PSMB5: variants seen among roughly 807,000 people sequenced by gnomAD.
PSMB5 encodes proteasome 20S subunit beta 5, also known as proteasome subunit beta type-5.
A neutral mutation model predicts 22.8 loss-of-function variants in PSMB5; 2 were observed. That is an observed-to-expected ratio of 0.09 (90% CI 0.04 to 0.28). The LOEUF is 0.28. PSMB5 is among the 10% of genes least tolerant of loss of function. PSMB5 has a pLI of 1.00. For synonymous variants in PSMB5, 133 were observed against 135.3 expected, an observed-to-expected ratio of 0.98 and a Z score of 0.12; for missense variants, 269 against 343.8, an observed-to-expected ratio of 0.78 and a Z score of 1.72.
chr14:23,031,248 A>G (rs1189392461), intron 2 of PSMB5, among the ~76,000 whole-genome samples: 1 of 152,222 alleles, frequency 6.6e-6, no homozygotes, highest in Non-Finnish European at 1.5e-5. Flanking sequence ...TCCGCCAGCT[A>G]AAGGTTCAAA....
chr14:23,029,957 A>G (rs555922937), intron 2 of PSMB5, among the ~76,000 whole-genome samples: 94 of 151,774 alleles, frequency 6.2e-4, no homozygotes, highest in African/African-American at 2.2e-3. Flanking sequence ...AATTTTTTGT[A>G]TTTTTAGTAG....
At chr14:23,029,802 G>A (rs1594713081) in intron 2 of PSMB5, among the ~76,000 whole-genome samples, 1 of 150,178 alleles carries the variant, frequency 6.7e-6, no homozygotes, top group South Asian at 2.1e-4. Flanking sequence ...TTTTTTTTGA[G>A]ATGGAGTCTT....
At position 23,026,151 on chromosome 14, in the gene PSMB5, T is replaced by C; in HGVS notation, c.730A>G (p.Ile244Val). 1 of 1,614,128 alleles carries C rather than the reference T, an allele frequency of 6.2e-7. No individual in the cohort carries two copies. Among genetic ancestry groups the C allele is most frequent in the Non-Finnish European group, 8.5e-7 (1 of 1,180,026 alleles). The change falls in exon 3 of 3, where the codon ATC becomes GTC. Residue 244 changes from isoleucine (I) to valine (V), a missense_variant. Around this residue, in one of 3 missense-constraint regions of PSMB5, gnomAD observed 113 missense variants for 130.2 expected, o/e 0.87. Coordinates refer to ENST00000361611, the MANE Select transcript of PSMB5 (RefSeq NM_002797.5). The stretch of plus-strand genomic sequence containing the variant: ...GCCACATTGTCACTGGAGACTCGGA[T>C]CCAGCCATCCTCCCGCACGTGGTAG... ...NLYHVREDGW[I>V]RVSSDNVADL...
intron 2 of PSMB5, chr14:23,027,660 A>G: frequency 9.4e-7 from 1 of 1,062,456 alleles, no homozygotes. Context: ...GGAAAAAAAA[A>G]AAACCTGAAG....
chr14:23,031,133 G>A (rs1693122762), intron 2 of PSMB5, among the ~76,000 whole-genome samples: 1 of 152,154 alleles, frequency 6.6e-6, no homozygotes, highest in South Asian at 2.1e-4. Flanking sequence ...TCATCAGGAA[G>A]GCCTCTTGAA....
At chr14:23,027,772 C>A (rs1315593231) in intron 2 of PSMB5, 4 of 1,548,420 alleles carry the variant, frequency 2.6e-6, no homozygotes, top group Non-Finnish European at 1.7e-6. Context: ...CCTCTCAGCA[C>A]ACCCACAAAA....
At chr14:23,032,328 C>T (rs529049686) in intron 2 of PSMB5, among the ~76,000 whole-genome samples, 4 of 152,174 alleles carry the variant, frequency 2.6e-5, no homozygotes, top group African/African-American at 9.6e-5. Flanking sequence ...CTTGTAATCC[C>T]AGGTACTTGG....
intron 2 of PSMB5, among the ~76,000 whole-genome samples, chr14:23,031,490 T>C (rs2046952193): frequency 6.6e-6 from 1 of 152,250 alleles, no homozygotes; most frequent in Admixed American, 6.5e-5. Context: ...ATAATTGTTC[T>C]ATAAGATAAC....
chr14:23,026,048 C>A lies in PSMB5; in HGVS notation c.*41G>T. On this transcript the variant is annotated 3_prime_UTR_variant, in exon 3 of 3. Coordinates refer to ENST00000361611, the MANE Select transcript of PSMB5 (RefSeq NM_002797.5). ...GTCACTGTGTCCGTATTACCAATGA[C>A]AGTCACCCCAAGAAACACAAGCAGC... 6.2e-7 allele frequency: 1 copy of A among 1,603,432 alleles called. No individual in the cohort carries two copies. The highest frequency in any genetic ancestry group is 8.5e-7 in the Non-Finnish European group (1 of 1,173,160).
At chr14:23,028,139 G>C (rs1420023059) in intron 2 of PSMB5, among the ~76,000 whole-genome samples, 2 of 131,162 alleles carry the variant, frequency 1.5e-5, no homozygotes, top group Non-Finnish European at 3.1e-5. Flanking sequence ...GTGAAACTCT[G>C]TCTCAAAAAA....
At chr14:23,027,886 G>C in intron 2 of PSMB5, 3 of 1,366,088 alleles carry the variant, frequency 2.2e-6, no homozygotes, top group Non-Finnish European at 2.0e-6. Flanking sequence ...GCTCAAACCC[G>C]TAATCCCAGC....
chr14:23,035,103 A>G (rs1186984511), upstream of PSMB5: 5 of 823,116 alleles, frequency 6.1e-6, no homozygotes, highest in Non-Finnish European at 9.0e-6. Flanking sequence ...AAATTCTAAA[A>G]GGACGTACCT....
intron 2 of PSMB5, among the ~76,000 whole-genome samples, chr14:23,027,488 A>G (rs2046924598): frequency 6.7e-6 from 1 of 149,674 alleles, no homozygotes; most frequent in East Asian, 1.9e-4. Flanking sequence ...GGACTTCTAT[A>G]AAATTATTAT....
At chr14:23,028,178 C>T (rs1246156811) in intron 2 of PSMB5, among the ~76,000 whole-genome samples, 1 of 152,114 alleles carries the variant, frequency 6.6e-6, no homozygotes, top group Non-Finnish European at 1.5e-5. Flanking sequence ...TCCCCACTCC[C>T]CCATCAAAAG....
In PSMB5 at chr14:23,028,930, CTT is replaced by C. The variant is rs562668402; in HGVS notation, c.506-2557_506-2556del. On this transcript the variant is annotated intron_variant, in intron 2 of 2. Transcript: ENST00000361611. ...TCCATTACCTACCACACTCATCTCTCTTGTGCGCCACAAACCCACGCTTCCTC... is the reference window on the plus strand; with the variant it reads ...TCCATTACCTACCACACTCATCTCTCGTGCGCCACAAACCCACGCTTCCTC... 7.2e-5 allele frequency among the ~76,000 whole-genome samples: 11 copies of C among 152,334 alleles called. No individual in the cohort carries two copies. In the East Asian group the frequency reaches 1.9e-3, roughly 27 times the overall value.
At chr14:23,032,591 G>A (rs868566707) in intron 2 of PSMB5, among the ~76,000 whole-genome samples, 2 of 151,806 alleles carry the variant, frequency 1.3e-5, no homozygotes, top group Non-Finnish European at 1.5e-5. Flanking sequence ...GGGATTCAAC[G>A]AATTCTTTTT....
At chr14:23,033,258 C>G in intron 2 of PSMB5, 110 bp downstream of exon 2, 1 of 1,146,076 alleles carries the variant, frequency 8.7e-7, no homozygotes, top group South Asian at 1.5e-5. Context: ...GGCTAAGGAC[C>G]TAATTACACT....
In PSMB5 at chr14:23,026,200, G is replaced by A; in HGVS notation, c.681C>T (p.Ala227=). The change falls in exon 3 of 3, where the codon GCC becomes GCT. Residue 227 remains alanine, a synonymous_variant. Transcript: ENST00000361611. The stretch of plus-strand genomic sequence containing the variant: ...AGAGGTTGACTGCACCTCCTGAGTA[G>A]GCATCTCTGTAGGTGGCTTGGTAGA... ...RAIYQATYRD[A]YSGGAVNLYH... is the part of the protein sequence containing the mutation. 6.2e-7 allele frequency: 1 copy of A among 1,614,108 alleles called. No individual in the cohort carries two copies. The highest frequency in any genetic ancestry group is 8.5e-7 in the Non-Finnish European group (1 of 1,180,014).
Position 23,026,094 on chromosome 14 carries a change from G to T in PSMB5, c.787C>A (p.Pro263Thr). ...DLHEKYSGST[P>T] is the part of the protein sequence containing the mutation. ...GCAGCTGCATCCACCCTCTTTCAGG[G>T]GGTAGAGCCACTATACTTCTCATGT... Residue 263 changes from proline to threonine, a missense_variant, in exon 3 of 3, where the codon CCC (proline) becomes ACC (threonine). Physicochemically the swap from Pro to Thr is conservative, Grantham distance 38 (BLOSUM62 -1). Transcript: ENST00000361611. 6.2e-7 allele frequency: 1 copy of T among 1,613,934 alleles called. No individual in the cohort carries two copies. The highest frequency in any genetic ancestry group is 8.5e-7 in the Non-Finnish European group (1 of 1,179,854).
Sources: gnomAD v4.1 joint callset for allele counts (sites outside exome capture counted in the v4.1 genomes callset) on GRCh38, gnomAD v4.1.1 for gene constraint, gnomAD v4.1.1 regional missense constraint, MANE v1.5 for transcripts, NCBI Gene and HGNC (gene_info 2026-07-23, HGNC 2026-07-21) for gene names.